The following LYPLAL1 variants were observed in gnomAD, a reference collection of about 807,000 sequenced individuals.
The protein encoded by LYPLAL1 is lysophospholipase like 1, also known as lysophospholipase-like protein 1.
In LYPLAL1, 23 loss-of-function variants were observed where a neutral mutation model predicts 19.7. The observed-to-expected ratio is 1.17, with a 90% CI of 0.84 to 1.65. The LOEUF (loss-of-function observed/expected upper bound fraction) is 1.65. Among genes scored for constraint, LYPLAL1 ranks in the 40% most tolerant of loss-of-function variants. LYPLAL1 has a pLI of 0.00. For synonymous variants in LYPLAL1, 119 were observed against 96.3 expected, an observed-to-expected ratio of 1.24 and a Z score of -1.38; for missense variants, 355 against 279.4, an observed-to-expected ratio of 1.27 and a Z score of -1.93.
intron 2 of LYPLAL1, among the ~76,000 whole-genome samples, chr1:219,190,735 A>G (rs907534215): frequency 2.6e-5 from 4 of 151,548 alleles, no homozygotes; most frequent in Admixed American, 6.6e-5. Context: ...TCAATAATAG[A>G]CAAAGTACTC....
chr1:219,213,085 G>A (rs572063236), downstream of LYPLAL1, among the ~76,000 whole-genome samples: 32 of 152,128 alleles, frequency 2.1e-4, no homozygotes, highest in Middle Eastern at 3.4e-3. Context: ...TAAGTATATG[G>A]TAGTAATATA....
the LYPLAL1 span, among the ~76,000 whole-genome samples, chr1:219,282,150 C>T: frequency 1.3e-5 from 2 of 152,058 alleles, no homozygotes; most frequent in Non-Finnish European, 2.9e-5. Flanking sequence ...CACAGGGAAA[C>T]AAGTCTGTAA....
chr1:219,278,323 G>A, the LYPLAL1 span, among the ~76,000 whole-genome samples: 1 of 152,166 alleles, frequency 6.6e-6, no homozygotes, highest in East Asian at 1.9e-4. Flanking sequence ...GTGGTACACA[G>A]AGAGAGAAAG....
chr1:219,422,966 A>G, the LYPLAL1 span, among the ~76,000 whole-genome samples: 51 of 152,284 alleles, frequency 3.3e-4, no homozygotes, highest in South Asian at 0.011. Context: ...GAGCTTGCAC[A>G]TCCCTCCTTC....
At chr1:219,315,658 A>C in the LYPLAL1 span, among the ~76,000 whole-genome samples, 2 of 152,072 alleles carry the variant, frequency 1.3e-5, no homozygotes, top group South Asian at 2.1e-4. Context: ...TCACCAACCC[A>C]CCTCCAATAC....
At chr1:219,179,060 T>A in intron 1 of LYPLAL1, 87 bp from the exon 2 acceptor site, 1 of 820,366 alleles carries the variant, frequency 1.2e-6, no homozygotes, top group Non-Finnish European at 1.9e-6. Flanking sequence ...TATTCCATCC[T>A]CTGTGTGACA....
chr1:219,180,518 GT>G (rs1656189669), intron 2 of LYPLAL1, among the ~76,000 whole-genome samples: 1 of 152,150 alleles, frequency 6.6e-6, no homozygotes, highest in African/African-American at 2.4e-5. Flanking sequence ...GAGTTTAAAA[GT>G]TTGGTAATCT....
rs1013881816 is a variant in LYPLAL1, at chr1:219,174,160, C to G, written c.91+179C>G. On this transcript the variant is annotated intron_variant, in intron 1 of 4. Coordinates refer to ENST00000366928, the MANE Select transcript of LYPLAL1 (RefSeq NM_138794.5). ...AGCGCCACCTGCCCCCAGCCTCCCC[C>G]GTTAGTCTTCCTCTTTCTATCGGGC... The G allele has an allele frequency of 5.6e-6, 8 of 1,434,888 alleles. No homozygotes were observed. In the African/African-American group the frequency reaches 8.6e-5, roughly 15 times the overall value. 88.9% of individuals were successfully genotyped at this position (1,434,888 alleles called of 1,614,324 possible).
the LYPLAL1 span, among the ~76,000 whole-genome samples, chr1:219,401,135 T>G: frequency 6.6e-6 from 1 of 152,034 alleles, no homozygotes; most frequent in African/African-American, 2.4e-5. Context: ...TTATTCAGGC[T>G]CCAAAAACAT....
the LYPLAL1 span, among the ~76,000 whole-genome samples, chr1:219,408,087 A>T: frequency 1.3e-5 from 2 of 152,162 alleles, no homozygotes; most frequent in African/African-American, 4.8e-5. Flanking sequence ...ACAACATGTC[A>T]GGTGTTTACA....
chr1:219,310,130 C>T, the LYPLAL1 span, among the ~76,000 whole-genome samples: 1 of 152,172 alleles, frequency 6.6e-6, no homozygotes, highest in Non-Finnish European at 1.5e-5. Flanking sequence ...CACTCCAAGT[C>T]TGTTACCTCA....
At chr1:219,192,384 G>T (rs1335553589) in intron 2 of LYPLAL1, among the ~76,000 whole-genome samples, 1 of 151,554 alleles carries the variant, frequency 6.6e-6, no homozygotes, top group Non-Finnish European at 1.5e-5. Flanking sequence ...TTCATCAAAG[G>T]GAAATATTAC....
the LYPLAL1 span, among the ~76,000 whole-genome samples, chr1:219,311,925 T>C: frequency 2.0e-5 from 3 of 152,220 alleles, no homozygotes; most frequent in Non-Finnish European, 4.4e-5. Flanking sequence ...AATAATATTT[T>C]GAATTCTATA....
At chr1:219,223,168 G>A in the LYPLAL1 span, 4 of 151,784 alleles carry the variant, frequency 2.6e-5, no homozygotes, top group Non-Finnish European at 5.9e-5. Context: ...CAAGGCTGAG[G>A]TGGACCAAGC....
chr1:219,193,549 T>A (rs1158793483), intron 3 of LYPLAL1: 4 of 184,716 alleles, frequency 2.2e-5, no homozygotes, highest in Non-Finnish European at 4.6e-5. Flanking sequence ...TTTTAAAACA[T>A]TTTACTTCAG....
chr1:219,357,375 A>C, the LYPLAL1 span, among the ~76,000 whole-genome samples: 3 of 152,230 alleles, frequency 2.0e-5, no homozygotes, highest in Admixed American at 2.0e-4. Context: ...TGAAATCAAC[A>C]GTAAGAAAAC....
At chr1:219,177,663 AT>A in intron 1 of LYPLAL1, among the ~76,000 whole-genome samples, 1 of 152,304 alleles carries the variant, frequency 6.6e-6, no homozygotes, top group Middle Eastern at 3.4e-3. Context: ...GCCAATCTCT[AT>A]TAATTTTACC....
At chr1:219,345,582 G>T in the LYPLAL1 span, among the ~76,000 whole-genome samples, 1 of 152,158 alleles carries the variant, frequency 6.6e-6, no homozygotes, top group Admixed American at 6.5e-5. Context: ...GCAAGTTTTG[G>T]TGAGAACACA....
At chr1:219,256,255 A>G in the LYPLAL1 span, among the ~76,000 whole-genome samples, 1 of 151,824 alleles carries the variant, frequency 6.6e-6, no homozygotes, top group Non-Finnish European at 1.5e-5. Context: ...TTAATTTTCT[A>G]TTTATCCTTG....
Sources: allele counts gnomAD v4.1 joint callset (sites outside exome capture counted in the v4.1 genomes callset), GRCh38; gene constraint gnomAD v4.1.1; transcripts MANE v1.5; gene names NCBI Gene and HGNC (gene_info 2026-07-23, HGNC 2026-07-21).